Variants in MIB1 observed in about 807,000 individuals in gnomAD.
The protein encoded by MIB1 is E3 ubiquitin-protein ligase MIB1.
In MIB1, 278 loss-of-function variants were observed where a neutral mutation model predicts 124.5. The ratio of observed to expected loss-of-function variants is 2.23; its 90% CI spans 2.02 to 2.47. The LOEUF (loss-of-function observed/expected upper bound fraction) is 2.47. Among genes scored for constraint, MIB1 ranks in the 30% most tolerant of loss-of-function variants. The probability of loss-of-function intolerance (pLI) is 0.00; values close to 1 mark genes in which losing one functional copy is unlikely to be tolerated. For synonymous variants in MIB1, 446 were observed against 429.4 expected, an observed-to-expected ratio of 1.04 and a Z score of -0.48; for missense variants, 957 against 1,254.4, an observed-to-expected ratio of 0.76 and a Z score of 3.58.
At chr18:21,734,460 TTCTTTCTCTCTCTC>T (rs375970970) in intron 1 of MIB1, among the ~76,000 whole-genome samples, 1,375 of 135,430 alleles carry the variant, frequency 0.01, 20 homozygotes, top group African/African-American at 0.035. Flanking sequence ...CTCTTTTCTT[TTCTTTCTCTCTCTC>T]TCTTTCTCTC....
chr18:21,779,341 A>G, intron 5 of MIB1, 140 bp from the exon 6 acceptor site: 1 of 651,152 alleles, frequency 1.5e-6, no homozygotes, highest in South Asian at 2.1e-5. Context: ...AAAATTTTAT[A>G]CTTATAGGGA....
chr18:21,727,162 T>G (rs558792055), intron 1 of MIB1, among the ~76,000 whole-genome samples: 3 of 152,230 alleles, frequency 2.0e-5, no homozygotes, highest in Non-Finnish European at 2.9e-5. Flanking sequence ...CAGGTTGGAG[T>G]GCAGTAGTGT....
At chr18:21,764,004 C>CT in intron 1 of MIB1, among the ~76,000 whole-genome samples, 1 of 151,902 alleles carries the variant, frequency 6.6e-6, no homozygotes, top group Non-Finnish European at 1.5e-5. Context: ...GAACATGGCT[C>CT]TAAGAGTGAT....
intron 10 of MIB1, among the ~76,000 whole-genome samples, chr18:21,814,175 T>C (rs2041804275): frequency 6.6e-6 from 1 of 152,200 alleles, no homozygotes; most frequent in Admixed American, 6.5e-5. Flanking sequence ...GCAAATCTAT[T>C]TGATTCTTCT....
intron 1 of MIB1, among the ~76,000 whole-genome samples, chr18:21,761,587 A>G (rs886967060): frequency 6.6e-6 from 1 of 152,182 alleles, no homozygotes; most frequent in Admixed American, 6.5e-5. Flanking sequence ...CATTCCACCT[A>G]AAGAGGCTGC....
At chr18:21,721,543 T>C (rs1156509203) in intron 1 of MIB1, among the ~76,000 whole-genome samples, 2 of 152,036 alleles carry the variant, frequency 1.3e-5, no homozygotes, top group East Asian at 3.9e-4. Flanking sequence ...TAGTATCTGA[T>C]AGAATTTGGG....
chr18:21,781,068 T>C (rs1187505637), intron 6 of MIB1, among the ~76,000 whole-genome samples: 3 of 152,024 alleles, frequency 2.0e-5, no homozygotes, highest in Non-Finnish European at 4.4e-5. Context: ...TTTCTCTTTT[T>C]AAAAATTTAA....
intron 1 of MIB1, among the ~76,000 whole-genome samples, chr18:21,709,705 G>A (rs994325335): frequency 2.6e-5 from 4 of 152,282 alleles, no homozygotes; most frequent in Middle Eastern, 3.4e-3. Flanking sequence ...ACAGATGAAG[G>A]TTCAGATGCT....
chr18:21,859,913 G>GAAAAAAAAAAAAAAAAAAAAAAA (rs1347677474), intron 20 of MIB1, among the ~76,000 whole-genome samples: 1 of 137,610 alleles, frequency 7.3e-6, no homozygotes, highest in African/African-American at 2.8e-5. Context: ...AAAAAAAAAG[G>GAAAAAAAAAAAAAAAAAAAAAAA]AAAAATGTGT....
chr18:21,771,436 G>C (rs564309841), intron 3 of MIB1, among the ~76,000 whole-genome samples: 11 of 152,252 alleles, frequency 7.2e-5, no homozygotes, highest in African/African-American at 2.6e-4. Flanking sequence ...TAAAACAAAT[G>C]AAGTTGAATC....
chr18:21,784,321 A>G (rs898098156), intron 6 of MIB1, among the ~76,000 whole-genome samples: 2 of 151,954 alleles, frequency 1.3e-5, no homozygotes, highest in African/African-American at 4.8e-5. Context: ...TGCTGGGATT[A>G]CAGGTGTGAG....
chr18:21,850,443 G>A (rs1257935900), intron 17 of MIB1, among the ~76,000 whole-genome samples: 2 of 152,046 alleles, frequency 1.3e-5, no homozygotes, highest in Non-Finnish European at 2.9e-5. Flanking sequence ...TAAGAAAGGA[G>A]CTGTTAGTAA....
At chr18:21,765,680 A>C (rs2146406466) in intron 1 of MIB1, 92 bp from the exon 2 acceptor site, 16 of 1,241,600 alleles carry the variant, frequency 1.3e-5, no homozygotes, top group Non-Finnish European at 1.8e-5. Context: ...ATATCTTGTA[A>C]AATGTTCTGT....
At chr18:21,791,691 T>A in intron 7 of MIB1, 134 bp downstream of exon 7, 1 of 620,828 alleles carries the variant, frequency 1.6e-6, no homozygotes, top group Non-Finnish European at 2.6e-6. Flanking sequence ...CTAGACATAC[T>A]CGTGCATTTT....
intron 10 of MIB1, among the ~76,000 whole-genome samples, chr18:21,811,907 T>C (rs2041778169): frequency 6.6e-6 from 1 of 152,136 alleles, no homozygotes; most frequent in South Asian, 2.1e-4. Context: ...AATAAAAATA[T>C]TAAAAAATCA....
chr18:21,854,322 A>G (rs2146516484), intron 18 of MIB1, among the ~76,000 whole-genome samples: 1 of 152,334 alleles, frequency 6.6e-6, no homozygotes, highest in African/African-American at 2.4e-5. Context: ...GCTCTTTCCC[A>G]CTGCTGTACT....
intron 1 of MIB1, among the ~76,000 whole-genome samples, chr18:21,746,650 A>G (rs1323433633): frequency 6.6e-6 from 1 of 152,200 alleles, no homozygotes; most frequent in African/African-American, 2.4e-5. Context: ...ACTTGACTAC[A>G]GTGTTGTATT....
intron 1 of MIB1, among the ~76,000 whole-genome samples, chr18:21,716,742 C>T (rs918592401): frequency 2.0e-5 from 3 of 152,052 alleles, no homozygotes; most frequent in East Asian, 1.9e-4. Context: ...GTCCCAGCCA[C>T]GCAGGAGGCT....
In MIB1 at chr18:21,858,608, C is replaced by A; in HGVS notation, c.2842C>A (p.Gln948Lys). 6.2e-7 allele frequency: 1 copy of A among 1,601,814 alleles called. No homozygotes were observed. The highest frequency in any genetic ancestry group is 8.6e-7 in the Non-Finnish European group (1 of 1,169,324). The change falls in exon 20 of 21, where the codon CAA becomes AAA. Residue 948 changes from glutamine (Q) to lysine (K), a missense_variant. Transcript: ENST00000261537. ...TAATACCAATGTCAATGCAGATGTG[C>A]AAAAGTTGCAGCAACAGTTACAAGA... Reference protein sequence around the residue: ...KDNTNVNADVQKLQQQLQDIK... With the variant: ...KDNTNVNADVKKLQQQLQDIK...
Sources: allele counts gnomAD v4.1 joint callset (sites outside exome capture counted in the v4.1 genomes callset), GRCh38; gene constraint gnomAD v4.1.1; transcripts MANE v1.5; gene names NCBI Gene and HGNC (gene_info 2026-07-23, HGNC 2026-07-21).